The following GLI2 variants were observed in gnomAD, a reference collection of about 807,000 sequenced individuals.
The protein encoded by GLI2 is GLI family zinc finger 2.
Under a neutral mutation model 78.9 loss-of-function variants are expected in GLI2, and 22 were observed. The observed-to-expected ratio is 0.28, with a 90% CI of 0.20 to 0.40. GLI2 has a LOEUF of 0.40. Among genes scored for constraint, GLI2 ranks in the 10% least tolerant of loss-of-function variants. The pLI, the probability that GLI2 is intolerant of heterozygous loss-of-function variation, is 1.00. For missense variants in GLI2, 2,097 were observed against 2,213.2 expected, an observed-to-expected ratio of 0.95 and a Z score of 1.05; for synonymous variants, 974 against 963.7, an observed-to-expected ratio of 1.01 and a Z score of -0.20.
chr2:120,882,411 C>T (rs1288519588), intron 2 of GLI2, among the ~76,000 whole-genome samples: 1 of 152,240 alleles, frequency 6.6e-6, no homozygotes, highest in Non-Finnish European at 1.5e-5. Flanking sequence ...GATCAGCACT[C>T]CTCACTTCAT....
intron 2 of GLI2, among the ~76,000 whole-genome samples, chr2:120,844,352 C>A (rs1391088828): frequency 6.6e-6 from 1 of 152,172 alleles, no homozygotes; most frequent in Admixed American, 6.5e-5. Context: ...ACTTTGATTG[C>A]CTAATGGCAT....
chr2:120,741,120 C>A (rs1033251153), intron 1 of GLI2, among the ~76,000 whole-genome samples: 5 of 152,206 alleles, frequency 3.3e-5, no homozygotes, highest in Admixed American at 6.5e-5. Flanking sequence ...CCCAGACTTA[C>A]AAACCATTTG....
At chr2:120,924,853 C>G (rs1346026032) in intron 2 of GLI2, among the ~76,000 whole-genome samples, 1 of 152,266 alleles carries the variant, frequency 6.6e-6, no homozygotes, top group African/African-American at 2.4e-5. Flanking sequence ...TCCTCCTCAG[C>G]AGTGACACTT....
chr2:120,882,626 C>T (rs1038481899), intron 2 of GLI2, among the ~76,000 whole-genome samples: 12 of 152,214 alleles, frequency 7.9e-5, no homozygotes, highest in African/African-American at 1.7e-4. Flanking sequence ...CCTCCTCTGT[C>T]GGATCCCTGG....
intron 2 of GLI2, among the ~76,000 whole-genome samples, chr2:120,895,154 T>G (rs1677883362): frequency 2.0e-5 from 3 of 152,222 alleles, no homozygotes; most frequent in Admixed American, 2.0e-4. Flanking sequence ...GGCTTCCCTC[T>G]GTGTCAGCCT....
At chr2:120,859,942 C>T (rs1228952442) in intron 2 of GLI2, among the ~76,000 whole-genome samples, 1 of 152,182 alleles carries the variant, frequency 6.6e-6, no homozygotes, top group Non-Finnish European at 1.5e-5. Flanking sequence ...CGTGAGCCAC[C>T]ATGCCCGGCC....
Position 120,975,035 on chromosome 2 carries a change from G to C in GLI2, c.1243G>C (p.Val415Leu), listed in dbSNP as rs142296407. The C allele has an allele frequency of 6.2e-7, 1 of 1,613,988 alleles. No individual in the cohort carries two copies. Among genetic ancestry groups the C allele is most frequent in the Non-Finnish European group, 8.5e-7 (1 of 1,179,990 alleles). ...DRDDCKQEAE[V>L]VIYETNCHWE... ...GGATGACTGTAAGCAGGAGGCTGAG[G>C]TGGTCATCTATGAGACCAACTGCCA... The change falls in exon 9 of 14, where the codon GTG (valine) becomes CTG (leucine). Residue 415 changes from valine (V) to leucine (L), a missense_variant. Transcript: ENST00000361492.
In GLI2 at chr2:120,831,065, C is replaced by T. The variant is rs112865471; in HGVS notation, c.148+33597C>T. Among the ~76,000 whole-genome samples the T allele has an allele frequency of 3.0e-3, 461 of 151,286 alleles. 4 individuals carry two copies. Among genetic ancestry groups the T allele is most frequent in the African/African-American group, 9.8e-3 (404 of 41,176 alleles). ...ATTTGGTCCTCAGTTTCAGCTCTGC[C>T]TGTCTCTCTCTCTGTTTCTGTCATT... On this transcript the variant is annotated intron_variant, in intron 2 of 13. Coordinates refer to ENST00000361492, the MANE Select transcript of GLI2 (RefSeq NM_001374353.1).
chr2:120,845,388 C>T (rs1687068216), intron 2 of GLI2, among the ~76,000 whole-genome samples: 1 of 152,208 alleles, frequency 6.6e-6, no homozygotes, highest in African/African-American at 2.4e-5. Context: ...ACATGCTATA[C>T]AGGGAGGAAA....
intron 3 of GLI2, among the ~76,000 whole-genome samples, chr2:120,934,756 G>C (rs1459766900): frequency 6.6e-6 from 1 of 152,124 alleles, no homozygotes; most frequent in African/African-American, 2.4e-5. Context: ...ATGTTAATGG[G>C]GATGTTTAGC....
At chr2:120,985,670 C>T (rs1390145601) in intron 12 of GLI2, among the ~76,000 whole-genome samples, 1 of 152,166 alleles carries the variant, frequency 6.6e-6, no homozygotes, top group Non-Finnish European at 1.5e-5. Context: ...GGCCCAGATC[C>T]GAGTTCTGTG....
In GLI2 at chr2:120,859,452, CTTT is replaced by C. The variant is rs57311162; in HGVS notation, c.148+62005_148+62007del. ...ACAACAGCCCTACAGATACTCCCTC[CTTT>C]TTTTTTTTTTTTTTTTTTTTGACAG... is the stretch of plus-strand genomic sequence containing the variant. On this transcript the variant is annotated intron_variant, in intron 2 of 13. Coordinates refer to ENST00000361492, the MANE Select transcript of GLI2 (RefSeq NM_001374353.1). 7.5e-3 allele frequency among the ~76,000 whole-genome samples: 935 copies of C among 125,416 alleles called. 5 individuals carry two copies. Among genetic ancestry groups the C allele is most frequent in the African/African-American group, 9.6e-3 (307 of 31,948 alleles). The allele number at this position is 125,416 out of a possible 152,430, so 82.3% of individuals were successfully genotyped here.
At chr2:120,779,614 C>T (rs1034920884) in intron 1 of GLI2, among the ~76,000 whole-genome samples, 1 of 152,242 alleles carries the variant, frequency 6.6e-6, no homozygotes, top group Admixed American at 6.5e-5. Context: ...GTGGTTCAGT[C>T]ATAATAATGG....
At chr2:120,902,185 A>ACCCCCCCCCCCCCCCCCCCCCCCC (rs11358856) in intron 2 of GLI2, among the ~76,000 whole-genome samples, 1 of 116,338 alleles carries the variant, frequency 8.6e-6, no homozygotes, top group Non-Finnish European at 1.8e-5. Context: ...ATTGACACCC[A>ACCCCCCCCCCCCCCCCCCCCCCCC]CCCCCCCCCA....
intron 2 of GLI2, chr2:120,866,285 G>A (rs11897840): frequency 0.24 from 35,905 of 152,452 alleles, 4,951 homozygotes; most frequent in East Asian, 0.64. Flanking sequence ...TACGGGACAG[G>A]TCAGGGCAAG....
chr2:120,770,101 G>A (rs1048022874), intron 1 of GLI2, among the ~76,000 whole-genome samples: 3 of 152,126 alleles, frequency 2.0e-5, no homozygotes, highest in African/African-American at 7.2e-5. Flanking sequence ...TTGTATTCAG[G>A]GATCCAAATC....
chr2:120,968,735 G>T lies in GLI2; in HGVS notation c.665G>T (p.Arg222Leu), dbSNP rs1213874652. The change falls in exon 6 of 14, where the codon CGG (arginine) becomes CTG (leucine). Residue 222 changes from arginine (R) to leucine (L), a missense_variant. By Grantham distance (102) the Arg-to-Leu change is moderately radical (BLOSUM62 -2). Coordinates refer to ENST00000361492, the MANE Select transcript of GLI2 (RefSeq NM_001374353.1). ...ACAGTGTCCCGTTTCTCCAGCCCGCGGGTGACGCCCCGCCTGAGCCGCAAG... is the reference window on the plus strand; with the variant it reads ...ACAGTGTCCCGTTTCTCCAGCCCGCTGGTGACGCCCCGCCTGAGCCGCAAG... Reference protein sequence around the residue: ...PVDVSRFSSPRVTPRLSRKRA... With the variant: ...PVDVSRFSSPLVTPRLSRKRA... The T allele has an allele frequency of 6.2e-7, 1 of 1,613,326 alleles. No homozygotes were observed. Among genetic ancestry groups the T allele is most frequent in the Non-Finnish European group, 8.5e-7 (1 of 1,179,872 alleles).
intron 3 of GLI2, among the ~76,000 whole-genome samples, chr2:120,943,284 G>C (rs1281125433): frequency 6.6e-6 from 1 of 152,176 alleles, no homozygotes; most frequent in African/African-American, 2.4e-5. Flanking sequence ...GTTAACTGGG[G>C]GAAGGGATGA....
At chr2:120,781,274 G>A (rs1683840601) in intron 1 of GLI2, among the ~76,000 whole-genome samples, 1 of 152,146 alleles carries the variant, frequency 6.6e-6, no homozygotes, top group Non-Finnish European at 1.5e-5. Flanking sequence ...CTCTGATAGG[G>A]TGGTGGTCAT....
Sources: allele counts gnomAD v4.1 joint callset (sites outside exome capture counted in the v4.1 genomes callset), GRCh38; gene constraint gnomAD v4.1.1; transcripts MANE v1.5; gene names NCBI Gene and HGNC (gene_info 2026-07-23, HGNC 2026-07-21).